BBS9: variants seen among roughly 807,000 people sequenced by gnomAD.
BBS9 encodes the protein protein PTHB1.
BBS9 carries 89 observed loss-of-function variants against 117.7 expected under a neutral mutation model. The ratio of observed to expected loss-of-function variants is 0.76; its 90% CI spans 0.64 to 0.90. The LOEUF is 0.90. BBS9 is among the 40% of genes least tolerant of loss of function. BBS9 has a pLI of 0.00. For synonymous variants in BBS9, 379 were observed against 370.9 expected (o/e 1.02, Z -0.25); for missense variants, 982 against 1,042.2 (o/e 0.94, Z 0.80).
intron 5 of BBS9, among the ~76,000 whole-genome samples, chr7:33,227,923 CAT>C (rs1376643276): frequency 2.0e-5 from 3 of 152,076 alleles, no homozygotes; most frequent in South Asian, 2.1e-4. Flanking sequence ...TATAAACACA[CAT>C]GTTTATGACC....
intron 20 of BBS9, among the ~76,000 whole-genome samples, chr7:33,524,968 C>G (rs1849248122): frequency 6.6e-6 from 1 of 152,180 alleles, no homozygotes; most frequent in South Asian, 2.1e-4. Flanking sequence ...TCATTGGTTT[C>G]AAAGAACATC....
intron 19 of BBS9, among the ~76,000 whole-genome samples, chr7:33,498,891 C>T (rs896379981): frequency 2.6e-5 from 4 of 152,084 alleles, no homozygotes; most frequent in African/African-American, 4.8e-5. Flanking sequence ...AGTGGAATTT[C>T]TAGGTCATAT....
At chr7:33,439,685 C>T (rs951231317) in intron 19 of BBS9, among the ~76,000 whole-genome samples, 29 of 151,990 alleles carry the variant, frequency 1.9e-4, no homozygotes, top group Non-Finnish European at 3.8e-4. Flanking sequence ...TGTGCCACCA[C>T]GCCCAGCTAA....
chr7:33,165,434 G>A (rs1306942847), intron 4 of BBS9, among the ~76,000 whole-genome samples: 1 of 152,052 alleles, frequency 6.6e-6, no homozygotes, highest in Non-Finnish European at 1.5e-5. Context: ...TTTCCAACTT[G>A]GTTCCATTCT....
intron 5 of BBS9, among the ~76,000 whole-genome samples, chr7:33,236,881 C>T (rs1163930202): frequency 2.0e-5 from 3 of 152,050 alleles, no homozygotes; most frequent in Non-Finnish European, 2.9e-5. Flanking sequence ...CTTACTCCTC[C>T]AGTCTAATTG....
At chr7:33,328,982 G>A (rs1276657392) in intron 9 of BBS9, among the ~76,000 whole-genome samples, 1 of 141,106 alleles carries the variant, frequency 7.1e-6, no homozygotes, top group Admixed American at 7.3e-5. Flanking sequence ...AAAAGGATAA[G>A]GTTTTCCTTC....
At chr7:33,256,889 G>A (rs777003770) in intron 5 of BBS9, among the ~76,000 whole-genome samples, 14 of 151,910 alleles carry the variant, frequency 9.2e-5, no homozygotes, top group Non-Finnish European at 1.8e-4. Context: ...ATGTATCTAT[G>A]TTTTCTATGT....
intron 5 of BBS9, among the ~76,000 whole-genome samples, chr7:33,247,855 T>A (rs1277365607): frequency 6.6e-6 from 1 of 152,220 alleles, no homozygotes; most frequent in African/African-American, 2.4e-5. Context: ...ATATAATGTT[T>A]AGGGCCTTCT....
At chr7:33,429,311 G>C (rs538828918) in intron 19 of BBS9, among the ~76,000 whole-genome samples, 1 of 150,374 alleles carries the variant, frequency 6.7e-6, no homozygotes, top group East Asian at 1.9e-4. Context: ...AGCCAGAAGT[G>C]TTAGTTATCA....
intron 19 of BBS9, among the ~76,000 whole-genome samples, chr7:33,429,339 T>C (rs937469193): frequency 2.0e-5 from 3 of 152,214 alleles, no homozygotes; most frequent in African/African-American, 7.2e-5. Flanking sequence ...TAATTCATTG[T>C]ACTCTGAATC....
At chr7:33,361,792 G>A (rs1820668101) in intron 16 of BBS9, among the ~76,000 whole-genome samples, 2 of 151,842 alleles carry the variant, frequency 1.3e-5, no homozygotes. Flanking sequence ...TCTATTCTAA[G>A]ATTATAAAAT....
intron 20 of BBS9, among the ~76,000 whole-genome samples, chr7:33,509,939 T>A (rs1194351291): frequency 6.6e-6 from 1 of 152,236 alleles, no homozygotes; most frequent in East Asian, 1.9e-4. Flanking sequence ...CTTTCCATTT[T>A]TGTCACTCCT....
intron 5 of BBS9, among the ~76,000 whole-genome samples, chr7:33,224,615 G>T (rs190652386): frequency 6.6e-6 from 1 of 151,990 alleles, no homozygotes; most frequent in Non-Finnish European, 1.5e-5. Flanking sequence ...CCTCCCCACC[G>T]ATCTTCTCCC....
At chr7:33,297,358 A>G (rs1314370988) in intron 9 of BBS9, among the ~76,000 whole-genome samples, 1 of 152,176 alleles carries the variant, frequency 6.6e-6, no homozygotes, top group Non-Finnish European at 1.5e-5. Flanking sequence ...TGTGATATGT[A>G]CTTTAAAGAA....
intron 19 of BBS9, among the ~76,000 whole-genome samples, chr7:33,493,494 CCT>C (rs1844304227): frequency 6.6e-6 from 1 of 152,150 alleles, no homozygotes; most frequent in African/African-American, 2.4e-5. Flanking sequence ...AACCTCTCTC[CCT>C]GATTCTAATG....
intron 19 of BBS9, among the ~76,000 whole-genome samples, chr7:33,402,143 T>C (rs1034114972): frequency 5.3e-5 from 8 of 152,174 alleles, no homozygotes; most frequent in Non-Finnish European, 8.8e-5. Context: ...ATTTTATGAA[T>C]GTAATTATCT....
At chr7:33,220,811 A>T (rs139998446) in intron 5 of BBS9, among the ~76,000 whole-genome samples, 1 of 152,374 alleles carries the variant, frequency 6.6e-6, no homozygotes, top group East Asian at 1.9e-4. Flanking sequence ...AATAATAACA[A>T]AAATGAAACA....
Position 33,634,041 on chromosome 7 carries a change from G to A in BBS9, c.2522-1136G>A, listed in dbSNP as rs75608087. Among the ~76,000 whole-genome samples the A allele has an allele frequency of 2.8e-3, 432 of 152,302 alleles. 1 individual carries two copies. Among genetic ancestry groups the A allele is most frequent in the African/African-American group, 9.5e-3 (393 of 41,582 alleles). On this transcript the variant is annotated intron_variant, in intron 21 of 21. Coordinates refer to the BBS9 transcript ENST00000671952. The stretch of plus-strand genomic sequence containing the variant: ...TGACTCAAGCCCTGCACAGCCTCCC[G>A]CTGGTCCCCAGCAATCTGGCCACCC...
intron 21 of BBS9, among the ~76,000 whole-genome samples, chr7:33,586,381 A>G (rs1337067112): frequency 6.6e-6 from 1 of 151,644 alleles, no homozygotes; most frequent in Non-Finnish European, 1.5e-5. Flanking sequence ...TTAAGAAGTA[A>G]AAAAAAATAA....
Sources: gnomAD v4.1 joint callset for allele counts (sites outside exome capture counted in the v4.1 genomes callset) on GRCh38, gnomAD v4.1.1 for gene constraint, MANE v1.5 for transcripts, NCBI Gene and HGNC (gene_info 2026-07-23, HGNC 2026-07-21) for gene names.